SRRM2: variants seen among roughly 807,000 people sequenced by gnomAD.
The protein encoded by SRRM2 is serine/arginine repetitive matrix 2.
SRRM2 carries 30 observed loss-of-function variants against 213.8 expected under a neutral mutation model. The observed-to-expected ratio is 0.14, with a 90% CI of 0.10 to 0.19. The LOEUF (loss-of-function observed/expected upper bound fraction) is 0.19. Among genes scored for constraint, SRRM2 ranks in the 10% least tolerant of loss-of-function variants. SRRM2 has a pLI of 1.00. For synonymous variants in SRRM2, 2,025 were observed against 1,377.7 expected (o/e 1.47, Z -10.40); for missense variants, 4,904 against 3,647.0 (o/e 1.34, Z -8.88).
Position 2,766,079 on chromosome 16 carries a change from C to T in SRRM2, c.5551C>T (p.Arg1851Cys), listed in dbSNP as rs750634382. Residue 1851 changes from arginine (R) to cysteine (C), a missense_variant, in exon 11 of 15, where the codon CGT becomes TGT. Arg to Cys is a radical substitution (Grantham distance 180). Coordinates refer to ENST00000301740, the MANE Select transcript of SRRM2 (RefSeq NM_016333.4). This position sits in a 1 kb window ranked among gnomAD's most constrained non-coding sequence, Gnocchi z 7.0. ...TCGGACACCCCCAACCAGTCGGAAG[C>T]GTTCTCGCTCACGCACATCACCAGC... ...RSRTPPTSRK[R>C]SRSRTSPAPW... 3.7e-6 allele frequency: 6 copies of T among 1,614,026 alleles called. No homozygotes were observed. In the African/African-American group the frequency reaches 5.3e-5, roughly 14 times the overall value.
chr16:2,769,582 G>T (rs1032648473), intron 12 of SRRM2: 23 of 638,214 alleles, frequency 3.6e-5, no homozygotes, highest in Non-Finnish European at 6.1e-5. Context: ...GCTACTGCCA[G>T]GGCTCTGGTC....
intron 1 of SRRM2, among the ~76,000 whole-genome samples, chr16:2,754,917 C>T (rs573398692): frequency 1.3e-5 from 2 of 152,336 alleles, no homozygotes; most frequent in African/African-American, 4.8e-5. Flanking sequence ...TGCTACTGGG[C>T]TTGGGTAGGG....
At chr16:2,770,054 A>C in intron 12 of SRRM2, 5 of 1,079,410 alleles carry the variant, frequency 4.6e-6, no homozygotes, top group Non-Finnish European at 5.0e-6. Context: ...CCCCAGAGCC[A>C]CGCACATCCA....
chr16:2,757,344 T>C (rs2068180422), intron 2 of SRRM2, 128 bp from the exon 3 acceptor site: 8 of 688,686 alleles, frequency 1.2e-5, no homozygotes, highest in South Asian at 3.7e-5. Flanking sequence ...GAAGGGACTT[T>C]TGGGTGAGCG....
chr16:2,759,665 A>C lies in SRRM2; in HGVS notation c.833+4A>C. On this transcript the variant is annotated splice_donor_region_variant and intron_variant, in intron 9 of 14. Transcript: ENST00000301740. ...CCTCCGATACTTCCCGCAGTCGGTA[A>C]GGGGTAGTCCAGGAGGAAGGGAGGG... The C allele has an allele frequency of 6.2e-7, 1 of 1,613,124 alleles. No homozygotes were observed. The highest frequency in any genetic ancestry group is 1.1e-5 in the South Asian group (1 of 91,054).
At chr16:2,760,690 C>T (rs1018527673) in intron 10 of SRRM2, 191 bp downstream of exon 10, 1 of 617,206 alleles carries the variant, frequency 1.6e-6, no homozygotes, top group East Asian at 2.9e-5. Context: ...ATTGTGAACC[C>T]TTTAGAATCA....
chr16:2,769,347 C>A (rs71386688), intron 12 of SRRM2, 63 bp downstream of exon 12: 114,506 of 1,509,504 alleles, frequency 0.076, 5,117 homozygotes, highest in Non-Finnish European at 0.086. Context: ...GAGAAGGGGC[C>A]CTGGGGTGTG....
rs139825537 is a variant in SRRM2 at position 2,766,103 on chromosome 16, G to A, written c.5575G>A (p.Ala1859Thr). ...RKRSRSRTSP[A>T]PWKRSRSRAS... ...GCGTTCTCGCTCACGCACATCACCA[G>A]CCCCGTGGAAACGCTCTAGATCTCG... The change falls in exon 11 of 15, where the codon GCC (alanine) becomes ACC (threonine). Residue 1859 changes from alanine (A) to threonine (T), a missense_variant. Physicochemically the swap from Ala to Thr is moderately conservative, Grantham distance 58. Coordinates refer to ENST00000301740, the MANE Select transcript of SRRM2 (RefSeq NM_016333.4). The surrounding 1 kb of genome is among the most constrained non-coding windows in gnomAD (Gnocchi z 7.0). 5.0e-6 allele frequency: 8 copies of A among 1,614,090 alleles called. No individual in the cohort carries two copies. Among genetic ancestry groups the A allele is most frequent in the Middle Eastern group, 3.3e-4 (2 of 6,062 alleles).
In SRRM2 at chr16:2,763,480, G is replaced by T; in HGVS notation, c.2952G>T (p.Pro984=). 2 of 1,614,066 alleles carry T rather than the reference G, an allele frequency of 1.2e-6. No homozygotes were observed. The highest frequency in any genetic ancestry group is 1.1e-5 in the South Asian group (1 of 91,074). The change falls in exon 11 of 15, where the codon CCG becomes CCT. Residue 984 remains proline (P), a synonymous_variant. Transcript: ENST00000301740. ...ATACCAAAGTGAAACCTGAAACACC[G>T]CCAAGACAAAGTCACTCAGGGTCTA... is the stretch of plus-strand genomic sequence containing the variant. ...SPDTKVKPET[P]PRQSHSGSIS...
chr16:2,768,933 C>A, intron 11 of SRRM2, 64 bp from the exon 12 acceptor site: 2 of 1,604,450 alleles, frequency 1.2e-6, no homozygotes, highest in Non-Finnish European at 1.7e-6. Context: ...TTCCTCCAGG[C>A]CAAGGAAGGT....
In SRRM2 at chr16:2,762,417, C is replaced by T. The variant is rs762964612; in HGVS notation, c.1889C>T (p.Pro630Leu). 7.4e-6 allele frequency: 12 copies of T among 1,614,058 alleles called. No individual in the cohort carries two copies. Among genetic ancestry groups the T allele is most frequent in the Non-Finnish European group, 2.5e-6 (3 of 1,180,054 alleles). ...PARRRSRTRS[P>L]VRRRSRSRSP... Reference sequence around the variant, plus strand: ...AGGCGCAGATCTAGGACCCGATCACCAGTACGACGCAGGTCTCGTAGTAGA... The same window carrying T: ...AGGCGCAGATCTAGGACCCGATCACTAGTACGACGCAGGTCTCGTAGTAGA... The change falls in exon 11 of 15, where the codon CCA becomes CTA. Residue 630 changes from proline to leucine, a missense_variant. By Grantham distance (98) the Pro-to-Leu change is moderately conservative (BLOSUM62 -3). Coordinates refer to ENST00000301740, the MANE Select transcript of SRRM2 (RefSeq NM_016333.4).
chr16:2,764,419 A>T lies in SRRM2; in HGVS notation c.3891A>T (p.Glu1297Asp), dbSNP rs1437809037. 9 of 1,613,178 alleles carry T rather than the reference A, an allele frequency of 5.6e-6. No homozygotes were observed. The highest frequency in any genetic ancestry group is 1.7e-5 in the Admixed American group (1 of 59,804). Residue 1297 changes from glutamate to aspartate, a missense_variant, in exon 11 of 15, where the codon GAA becomes GAT. Physicochemically the swap from Glu to Asp is conservative, Grantham distance 45. Transcript: ENST00000301740. Reference protein sequence around the residue: ...SQSQASLEAVEVPSMASSWGG... With the variant: ...SQSQASLEAVDVPSMASSWGG... ...CACAGGCTTCTTTGGAAGCAGTAGA[A>T]GTCCCTTCAATGGCCTCATCTTGGG...
chr16:2,769,354 T>G (rs1596295710), intron 12 of SRRM2, 70 bp downstream of exon 12: 9 of 1,492,300 alleles, frequency 6.0e-6, no homozygotes, highest in Non-Finnish European at 8.1e-6. Flanking sequence ...GGCCCTGGGG[T>G]GTGAGCTCCC....
rs1237954376 is a variant in SRRM2, at chr16:2,763,885, T to G, written c.3357T>G (p.Gly1119=). The part of the protein sequence containing the change: ...ASRSPIRQDR[G]EFSASPMLKS... Reference sequence around the variant, plus strand: ...GATCTCCAATAAGACAAGATAGAGGTGAGTTCTCAGCGAGTCCTATGTTGA... The same window carrying G: ...GATCTCCAATAAGACAAGATAGAGGGGAGTTCTCAGCGAGTCCTATGTTGA... The change falls in exon 11 of 15, where the codon GGT becomes GGG. Residue 1119 remains glycine, a synonymous_variant. Coordinates refer to ENST00000301740, the MANE Select transcript of SRRM2 (RefSeq NM_016333.4). The G allele has an allele frequency of 1.2e-6, 2 of 1,614,150 alleles. No homozygotes were observed. Among genetic ancestry groups the G allele is most frequent in the Non-Finnish European group, 1.7e-6 (2 of 1,180,022 alleles).
chr16:2,759,911 G>A (rs1354964467), intron 9 of SRRM2: 12 of 546,664 alleles, frequency 2.2e-5, no homozygotes, highest in Middle Eastern at 4.8e-4. Context: ...GCCAGAATAG[G>A]GGGGGTGGTG....
At position 2,769,293 on chromosome 16, in the gene SRRM2, T is replaced by C. The variant is rs574175457; in HGVS notation, c.8021+9T>C. The C allele has an allele frequency of 8.4e-6, 13 of 1,544,004 alleles. No homozygotes were observed. Among genetic ancestry groups the C allele is most frequent in the East Asian group, 2.3e-5 (1 of 44,328 alleles). ...CCCCCTGGCGAGCGGAGGTGAGTGC[T>C]GTCTTGCCTGAGTTGAAAGGTGGGT... On this transcript the variant is annotated intron_variant, in intron 12 of 14. Coordinates refer to ENST00000301740, the MANE Select transcript of SRRM2 (RefSeq NM_016333.4).
chr16:2,762,978 C>G lies in SRRM2; in HGVS notation c.2450C>G (p.Ser817Cys), dbSNP rs2068413553. The G allele has an allele frequency of 2.5e-6, 4 of 1,613,974 alleles. No individual in the cohort carries two copies. The highest frequency in any genetic ancestry group is 3.4e-6 in the Non-Finnish European group (4 of 1,180,026). The change falls in exon 11 of 15, where the codon TCC becomes TGC. Residue 817 changes from serine to cysteine, a missense_variant. Coordinates refer to ENST00000301740, the MANE Select transcript of SRRM2 (RefSeq NM_016333.4). ...AGAACGCCACCCAGACGCAGTCGCT[C>G]CAGTTCTTCTCCGCCACCTAAACAG... ...KSRTPPRRSRSSSSPPPKQKS... is the reference protein window; with the variant it reads ...KSRTPPRRSRCSSSPPPKQKS...
Position 2,764,145 on chromosome 16 carries a change from T to C in SRRM2, c.3617T>C (p.Leu1206Pro), listed in dbSNP as rs903459169. The stretch of plus-strand genomic sequence containing the variant: ...TCTTCACTGGTATTCAAAGACACAC[T>C]TAGAACCCCGCCAAGGGAAAGAAGT... ...PESSLVFKDT[L>P]RTPPRERSGA... Residue 1206 changes from leucine (L) to proline (P), a missense_variant, in exon 11 of 15, where the codon CTT becomes CCT. Transcript: ENST00000301740. The C allele has an allele frequency of 1.9e-6, 3 of 1,614,106 alleles. No individual in the cohort carries two copies. Among genetic ancestry groups the C allele is most frequent in the Non-Finnish European group, 2.5e-6 (3 of 1,180,016 alleles).
Position 2,767,907 on chromosome 16 carries a change from G to C in SRRM2, c.7379G>C (p.Arg2460Pro). The C allele has an allele frequency of 6.2e-7, 1 of 1,614,066 alleles. No homozygotes were observed. The highest frequency in any genetic ancestry group is 8.5e-7 in the Non-Finnish European group (1 of 1,180,012). The change falls in exon 11 of 15, where the codon CGT (arginine) becomes CCT (proline). Residue 2460 changes from arginine to proline, a missense_variant. Transcript: ENST00000301740. ...CCTTCTGCTTTTTCAGACCAATCCC[G>C]TTGTTTGATTGCCCAGACCACCCCT... ...PVPSAFSDQS[R>P]CLIAQTTPVA...
Sources: allele counts gnomAD v4.1 joint callset (sites outside exome capture counted in the v4.1 genomes callset), GRCh38; gene constraint gnomAD v4.1.1; non-coding constraint Gnocchi (gnomAD v3.1); transcripts MANE v1.5; gene names NCBI Gene and HGNC (gene_info 2026-07-23, HGNC 2026-07-21).